PARN: variants seen among roughly 807,000 people sequenced by gnomAD.
The protein encoded by PARN is poly(A)-specific ribonuclease, also known as poly(A)-specific ribonuclease PARN.
A neutral mutation model predicts 102.8 loss-of-function variants in PARN; 71 were observed. The ratio of observed to expected loss-of-function variants is 0.69; its 90% CI spans 0.57 to 0.84. The LOEUF (loss-of-function observed/expected upper bound fraction) is 0.84. Among genes scored for constraint, PARN ranks in the 40% least tolerant of loss-of-function variants. PARN has a pLI of 0.00. For missense variants in PARN, 782 were observed against 760.9 expected (o/e 1.03, Z -0.33); for synonymous variants, 261 against 252.9 (o/e 1.03, Z -0.30).
chr16:14,547,675 A>T (rs1967038140), intron 21 of PARN, among the ~76,000 whole-genome samples: 1 of 151,914 alleles, frequency 6.6e-6, no homozygotes, highest in Non-Finnish European at 1.5e-5. Flanking sequence ...ATGCCACCAC[A>T]CTCCAGCTTG....
chr16:14,625,674 A>G (rs765972057), intron 5 of PARN, among the ~76,000 whole-genome samples: 4 of 152,216 alleles, frequency 2.6e-5, no homozygotes, highest in Non-Finnish European at 5.9e-5. Flanking sequence ...TCTTTTGCCC[A>G]TAAGCATATG....
intron 9 of PARN, among the ~76,000 whole-genome samples, chr16:14,607,885 G>A (rs1181022329): frequency 6.6e-6 from 1 of 152,188 alleles, no homozygotes; most frequent in Non-Finnish European, 1.5e-5. Context: ...AAGTCTGGAT[G>A]TTATTTCAGG....
At chr16:14,482,897 A>ATCTCTG in intron 21 of PARN, 70 bp from the exon 22 acceptor site, 5 of 1,357,902 alleles carry the variant, frequency 3.7e-6, no homozygotes, top group Non-Finnish European at 5.0e-6. Flanking sequence ...GACACTTTTG[A>ATCTCTG]AATGTGGCCT....
At chr16:14,567,325 C>A (rs1968491721) in intron 18 of PARN, among the ~76,000 whole-genome samples, 1 of 152,152 alleles carries the variant, frequency 6.6e-6, no homozygotes, top group South Asian at 2.1e-4. Context: ...TTTCACTCCT[C>A]CATGGCACCT....
intron 23 of PARN, among the ~76,000 whole-genome samples, chr16:14,443,741 T>C (rs1961061087): frequency 6.6e-6 from 1 of 152,240 alleles, no homozygotes; most frequent in Non-Finnish European, 1.5e-5. Context: ...TTTTTGCTAC[T>C]TCCTCCTTGG....
At chr16:14,535,253 A>G (rs920321737) in intron 21 of PARN, among the ~76,000 whole-genome samples, 3 of 152,214 alleles carry the variant, frequency 2.0e-5, no homozygotes, top group Non-Finnish European at 4.4e-5. Context: ...TGAGGTGCTC[A>G]GGTCACCACT....
intron 21 of PARN, among the ~76,000 whole-genome samples, chr16:14,485,513 C>T (rs746540191): frequency 6.6e-5 from 10 of 152,208 alleles, no homozygotes; most frequent in Non-Finnish European, 1.5e-5. Flanking sequence ...TCGCTGTAAG[C>T]TTGTCACTCC....
intron 21 of PARN, among the ~76,000 whole-genome samples, chr16:14,504,895 C>G (rs1964809221): frequency 6.6e-6 from 1 of 152,086 alleles, no homozygotes; most frequent in Admixed American, 6.5e-5. Context: ...AAATAAAAAG[C>G]CTGACTTCAT....
At chr16:14,521,003 A>G (rs892404018) in intron 21 of PARN, among the ~76,000 whole-genome samples, 22 of 152,348 alleles carry the variant, frequency 1.4e-4, no homozygotes, top group African/African-American at 5.0e-4. Flanking sequence ...TGCCACAATC[A>G]TGGTGTTGGC....
intron 12 of PARN, among the ~76,000 whole-genome samples, chr16:14,594,380 A>G (rs1366981251): frequency 6.6e-6 from 1 of 152,178 alleles, no homozygotes; most frequent in Non-Finnish European, 1.5e-5. Context: ...AATGGAACAT[A>G]AATTTAGATT....
At chr16:14,617,213 T>TCAC (rs1971969373) in intron 6 of PARN, among the ~76,000 whole-genome samples, 1 of 150,586 alleles carries the variant, frequency 6.6e-6, no homozygotes, top group African/African-American at 2.4e-5. Flanking sequence ...TGAAACCCTG[T>TCAC]CTCTACTAAA....
At chr16:14,467,652 T>C (rs1227549505) in intron 22 of PARN, among the ~76,000 whole-genome samples, 1 of 152,224 alleles carries the variant, frequency 6.6e-6, no homozygotes, top group African/African-American at 2.4e-5. Flanking sequence ...GCATGAAAAG[T>C]CTTCAGACCT....
intron 22 of PARN, among the ~76,000 whole-genome samples, chr16:14,452,425 T>G (rs1431376734): frequency 6.6e-6 from 1 of 152,150 alleles, no homozygotes; most frequent in Non-Finnish European, 1.5e-5. Context: ...CAGGCTGGAG[T>G]GTAGTGATGT....
At chr16:14,552,304 G>A (rs748975565) in intron 20 of PARN, among the ~76,000 whole-genome samples, 10 of 152,124 alleles carry the variant, frequency 6.6e-5, no homozygotes, top group Non-Finnish European at 1.0e-4. Flanking sequence ...TTCAAGAGAA[G>A]AGACAAACCA....
intron 5 of PARN, among the ~76,000 whole-genome samples, chr16:14,620,749 T>TCCAA (rs1972244791): frequency 6.6e-6 from 1 of 152,212 alleles, no homozygotes; most frequent in East Asian, 1.9e-4. Context: ...TGGGGAAAGC[T>TCCAA]ATACTAATCC....
intron 13 of PARN, among the ~76,000 whole-genome samples, chr16:14,589,644 T>C (rs1970052285): frequency 6.6e-6 from 1 of 151,588 alleles, no homozygotes; most frequent in African/African-American, 2.4e-5. Context: ...GGCAGGCGGA[T>C]CACCTAAGGT....
intron 22 of PARN, among the ~76,000 whole-genome samples, chr16:14,468,115 A>G (rs1962474724): frequency 6.6e-6 from 1 of 152,236 alleles, no homozygotes; most frequent in Non-Finnish European, 1.5e-5. Context: ...GTCGAAGGGA[A>G]GGATCATAAA....
At position 14,472,624 on chromosome 16, in the gene PARN, C is replaced by T. The variant is rs115354614; in HGVS notation, c.1670+10014G>A. Among the ~76,000 whole-genome samples the T allele has an allele frequency of 2.1e-3, 316 of 152,338 alleles. 4 individuals carry two copies. The highest frequency in any genetic ancestry group is 7.5e-3 in the African/African-American group (312 of 41,576). On this transcript the variant is annotated intron_variant, in intron 22 of 23. Transcript: ENST00000437198. Reference sequence around the variant, plus strand: ...TGCTAGAACATGAAGGCACAAAAAACATGGCACCTGCCAAAAGCAAATCAA... The same window carrying T: ...TGCTAGAACATGAAGGCACAAAAAATATGGCACCTGCCAAAAGCAAATCAA...
In PARN at chr16:14,606,383, G is replaced by A. The variant is rs979617334; in HGVS notation, c.702+101C>T. 9.1e-5 allele frequency: 52 copies of A among 569,752 alleles called. 1 individual carries two copies. The South Asian group carries it at 1.5e-3, about 16-fold the overall frequency. The allele number at this position is 569,752 out of a possible 1,614,324, so 35.3% of individuals were successfully genotyped here. On this transcript the variant is annotated intron_variant, in intron 10 of 23. Transcript: ENST00000437198. ...CTGCACTCCAGCCTGGGTAATCAGA[G>A]AAAGACCCTGAGGGAAAAAAAAAAA...
Sources: allele counts gnomAD v4.1 joint callset (sites outside exome capture counted in the v4.1 genomes callset), GRCh38; gene constraint gnomAD v4.1.1; transcripts MANE v1.5; gene names NCBI Gene and HGNC (gene_info 2026-07-23, HGNC 2026-07-21).